Variants in WDR37 observed in about 807,000 individuals in gnomAD.
The protein encoded by WDR37 is WD repeat-containing protein 37.
Under a neutral mutation model 62.9 loss-of-function variants are expected in WDR37, and 19 were observed. That is an observed-to-expected ratio of 0.30 (90% CI 0.21 to 0.44). The LOEUF is 0.44. Among genes scored for constraint, WDR37 ranks in the 20% least tolerant of loss-of-function variants. The pLI is 1.00. For missense variants in WDR37, 474 were observed against 657.6 expected, an observed-to-expected ratio of 0.72 and a Z score of 3.05; for synonymous variants, 250 against 260.9, an observed-to-expected ratio of 0.96 and a Z score of 0.40.
chr10:1,065,129 T>C (rs919591533), intron 1 of WDR37, among the ~76,000 whole-genome samples: 2 of 152,212 alleles, frequency 1.3e-5, no homozygotes. Flanking sequence ...GAACAAAGAA[T>C]GGACAGCAAA....
chr10:1,086,552 C>G (rs900060932), intron 7 of WDR37, among the ~76,000 whole-genome samples, 195 bp downstream of exon 7: 3 of 152,210 alleles, frequency 2.0e-5, no homozygotes, highest in Non-Finnish European at 4.4e-5. Context: ...CAGGGAAAAG[C>G]TTAACTCCCT....
intron 11 of WDR37, among the ~76,000 whole-genome samples, chr10:1,107,964 T>C (rs991688754): frequency 2.6e-5 from 4 of 152,220 alleles, no homozygotes; most frequent in African/African-American, 9.7e-5. Flanking sequence ...ATCCTTCACC[T>C]AGGTTCACCT....
At chr10:1,126,380 T>G (rs974315584) in intron 13 of WDR37, among the ~76,000 whole-genome samples, 2 of 142,778 alleles carry the variant, frequency 1.4e-5, no homozygotes, top group Non-Finnish European at 1.5e-5. Context: ...CACTCCAGCC[T>G]GGGCGACAGA....
At chr10:1,077,713 A>C (rs918798490) in intron 2 of WDR37, among the ~76,000 whole-genome samples, 194 bp from the exon 3 acceptor site, 1 of 152,246 alleles carries the variant, frequency 6.6e-6, no homozygotes, top group African/African-American at 2.4e-5. Context: ...CTAGGTAGCC[A>C]TTTATACAAT....
intron 11 of WDR37, among the ~76,000 whole-genome samples, chr10:1,116,339 T>C (rs2387298): frequency 0.86 from 129,961 of 151,504 alleles, 55,715 homozygotes; most frequent in East Asian, 0.87. Context: ...GGGTCTCTGT[T>C]CTGTCTCTCA....
intron 5 of WDR37, among the ~76,000 whole-genome samples, chr10:1,083,927 T>C (rs73578547): frequency 0.01 from 1,527 of 152,326 alleles, 28 homozygotes; most frequent in African/African-American, 0.034. Context: ...GATACGTGGT[T>C]GGTGTAAATT....
At position 1,103,469 on chromosome 10, in the gene WDR37, C is replaced by A; in HGVS notation, c.727-133C>A. The stretch of plus-strand genomic sequence containing the variant: ...ACTCATCACTGTGGCCAGCACCAGG[C>A]TCCTAGTGGTGACCATCATGATGGA... On this transcript the variant is annotated intron_variant, in intron 9 of 13. Transcript: ENST00000263150. The surrounding 1 kb of genome is among the most constrained non-coding windows in gnomAD (Gnocchi z 6.3). 1.1e-6 allele frequency: 1 copy of A among 923,154 alleles called. No homozygotes were observed. The highest frequency in any genetic ancestry group is 1.6e-6 in the Non-Finnish European group (1 of 608,582). The allele number at this position is 923,154 out of a possible 1,614,324, so 57.2% of individuals were successfully genotyped here.
intron 2 of WDR37, chr10:1,074,525 A>T (rs1420334118): frequency 7.7e-7 from 1 of 1,303,888 alleles, no homozygotes; most frequent in Admixed American, 2.3e-5. Context: ...GGCCCCCGTG[A>T]GGTGCTCTGC....
chr10:1,072,398 TCCA>T (rs1344749590), intron 2 of WDR37, 105 bp downstream of exon 2: 3 of 1,461,804 alleles, frequency 2.1e-6, no homozygotes, highest in Admixed American at 1.9e-5. Context: ...GCTCACAACC[TCCA>T]CCTCCTGGGT....
intron 1 of WDR37, among the ~76,000 whole-genome samples, chr10:1,066,678 A>G (rs1833564566): frequency 1.3e-5 from 2 of 152,240 alleles, no homozygotes; most frequent in Admixed American, 1.3e-4. Flanking sequence ...AATCACTGTA[A>G]CTGATTTTAA....
rs1564507836 is a variant in WDR37 at position 1,103,029 on chromosome 10, A to G, written c.727-573A>G. ...GGGACTGGCACTCTGTCACCCCCTG[A>G]TAAATATTTGTTGGATGAATATACA... On this transcript the variant is annotated intron_variant, in intron 9 of 13. Coordinates refer to ENST00000263150, the MANE Select transcript of WDR37 (RefSeq NM_014023.4). The surrounding 1 kb of genome is among the most constrained non-coding windows in gnomAD (Gnocchi z 6.3). Among the ~76,000 whole-genome samples, 1 of 152,184 alleles carries G rather than the reference A, an allele frequency of 6.6e-6. No homozygotes were observed. Among genetic ancestry groups the G allele is most frequent in the Non-Finnish European group, 1.5e-5 (1 of 68,024 alleles).
At position 1,129,267 on chromosome 10, in the gene WDR37, A is replaced by G; in HGVS notation, c.1408A>G (p.Asn470Asp). 6.2e-7 allele frequency: 1 copy of G among 1,614,180 alleles called. No homozygotes were observed. The change falls in exon 14 of 14, where the codon AAT becomes GAT. Residue 470 changes from asparagine to aspartate, a missense_variant. Asn to Asp is a conservative substitution (Grantham distance 23). Coordinates refer to ENST00000263150, the MANE Select transcript of WDR37 (RefSeq NM_014023.4). ...ATGGAGTGAAGACCACCCCGTGTGCAATCTGTTCACCTGTGGGTTTGACCG... is the reference window on the plus strand; with the variant it reads ...ATGGAGTGAAGACCACCCCGTGTGCGATCTGTTCACCTGTGGGTTTGACCG... Reference protein sequence around the residue: ...SAWSEDHPVCNLFTCGFDRQA... With the variant: ...SAWSEDHPVCDLFTCGFDRQA...
intron 1 of WDR37, among the ~76,000 whole-genome samples, chr10:1,064,384 C>T (rs1358576815): frequency 1.3e-5 from 2 of 152,070 alleles, no homozygotes; most frequent in Admixed American, 6.6e-5. Context: ...GAAAACGTGT[C>T]TGAAGAAATC....
At chr10:1,077,517 A>G (rs1338298205) in intron 2 of WDR37, among the ~76,000 whole-genome samples, 1 of 152,206 alleles carries the variant, frequency 6.6e-6, no homozygotes, top group Admixed American at 6.5e-5. Flanking sequence ...GGTCTAGCAG[A>G]TTAAAATACT....
At chr10:1,126,899 C>A (rs7894626) in intron 13 of WDR37, among the ~76,000 whole-genome samples, 84,822 of 152,128 alleles carry the variant, frequency 0.56, 23,906 homozygotes, top group African/African-American at 0.65. Context: ...GATACACATC[C>A]AAATAGTGGA....
At chr10:1,067,305 G>C (rs1214152275) in intron 1 of WDR37, among the ~76,000 whole-genome samples, 2 of 152,168 alleles carry the variant, frequency 1.3e-5, no homozygotes, top group Non-Finnish European at 2.9e-5. Context: ...TACCATATAG[G>C]TAATAAATTT....
At chr10:1,116,960 A>G (rs981826047) in intron 11 of WDR37, among the ~76,000 whole-genome samples, 1 of 151,926 alleles carries the variant, frequency 6.6e-6, no homozygotes, top group Non-Finnish European at 1.5e-5. Flanking sequence ...CCACCTGCAG[A>G]GCTGCCGTTC....
intron 11 of WDR37, among the ~76,000 whole-genome samples, chr10:1,113,137 GCT>G (rs760191458): frequency 7.2e-5 from 11 of 152,160 alleles, no homozygotes; most frequent in Non-Finnish European, 1.0e-4. Context: ...TGAAGCCAGT[GCT>G]CATTTACCAT....
At chr10:1,092,121 A>T (rs372461462) in intron 7 of WDR37, among the ~76,000 whole-genome samples, 1 of 146,926 alleles carries the variant, frequency 6.8e-6, no homozygotes, top group East Asian at 2.2e-4. Context: ...CGGAGCTTGC[A>T]GTGAGCTGAG....
Sources: gnomAD v4.1 joint callset for allele counts (sites outside exome capture counted in the v4.1 genomes callset) on GRCh38, gnomAD v4.1.1 for gene constraint, Gnocchi (gnomAD v3.1) non-coding constraint, MANE v1.5 for transcripts, NCBI Gene and HGNC (gene_info 2026-07-23, HGNC 2026-07-21) for gene names.